Variants in EFR3A observed in about 807,000 individuals in gnomAD.
EFR3A encodes the protein EFR3 homolog A, also known as protein EFR3 homolog A.
Under a neutral mutation model 104.4 loss-of-function variants are expected in EFR3A, and 76 were observed. The observed-to-expected ratio is 0.73, with a 90% CI of 0.60 to 0.88. EFR3A has a LOEUF of 0.88. Among genes scored for constraint, EFR3A ranks in the 40% least tolerant of loss-of-function variants. The pLI is 0.00. For synonymous variants in EFR3A, 330 were observed against 330.0 expected (o/e 1.00, Z 0.00); for missense variants, 985 against 1,012.5 (o/e 0.97, Z 0.37).
intron 18 of EFR3A, among the ~76,000 whole-genome samples, chr8:131,992,258 A>T (rs1399461827): frequency 6.6e-6 from 1 of 152,202 alleles, no homozygotes; most frequent in Non-Finnish European, 1.5e-5. Flanking sequence ...ATTTGTATCA[A>T]AGCATATGAT....
chr8:131,986,358 G>A, intron 17 of EFR3A, 97 bp downstream of exon 17: 1 of 576,502 alleles, frequency 1.7e-6, no homozygotes, highest in Non-Finnish European at 3.0e-6. Flanking sequence ...ATAATTCCTG[G>A]TGCTTTATAC....
intron 1 of EFR3A, among the ~76,000 whole-genome samples, chr8:131,936,002 A>G (rs1817860638): frequency 6.6e-6 from 1 of 151,946 alleles, no homozygotes; most frequent in African/African-American, 2.4e-5. Context: ...TTCTCCTAGT[A>G]CCTTTGAGTG....
chr8:131,971,415 G>A (rs188070674), intron 10 of EFR3A, among the ~76,000 whole-genome samples: 30 of 152,218 alleles, frequency 2.0e-4, no homozygotes, highest in African/African-American at 6.7e-4. Flanking sequence ...TAGGCCGTGC[G>A]CGGTGGCTCA....
At chr8:131,911,809 T>C (rs538542452) in intron 1 of EFR3A, among the ~76,000 whole-genome samples, 1 of 152,314 alleles carries the variant, frequency 6.6e-6, no homozygotes, top group East Asian at 1.9e-4. Context: ...CATCTAGATT[T>C]TTCTTGGATT....
chr8:131,929,492 G>A lies in EFR3A; in HGVS notation c.11-11007G>A, dbSNP rs960807172. Among the ~76,000 whole-genome samples the A allele has an allele frequency of 1.8e-4, 27 of 152,140 alleles. No homozygotes were observed. In the East Asian group the frequency reaches 4.1e-3, roughly 23 times the overall value. On this transcript the variant is annotated intron_variant, in intron 1 of 22. Transcript: ENST00000254624. ...AGACTTAATTTAGTCATTACTTCTTGCAGAAAGGTTTGTTATCCCATTAGC... is the reference window on the plus strand; with the variant it reads ...AGACTTAATTTAGTCATTACTTCTTACAGAAAGGTTTGTTATCCCATTAGC...
chr8:131,979,431 C>A lies in EFR3A; in HGVS notation c.1575+10C>A, dbSNP rs1343936016. ...AAGTTTCATGAAAAAGGTAAGACAT[C>A]TTCTAAAAAAATAAATGTGTAGTGT... On this transcript the variant is annotated intron_variant, in intron 14 of 22. Transcript: ENST00000254624. The A allele has an allele frequency of 3.3e-6, 5 of 1,523,948 alleles. No homozygotes were observed. Among genetic ancestry groups the A allele is most frequent in the Non-Finnish European group, 4.5e-6 (5 of 1,121,062 alleles). 94.4% of individuals were successfully genotyped at this position (1,523,948 alleles called of 1,614,324 possible).
intron 8 of EFR3A, among the ~76,000 whole-genome samples, chr8:131,966,057 G>T (rs1168819800): frequency 6.6e-6 from 1 of 152,076 alleles, no homozygotes; most frequent in African/African-American, 2.4e-5. Flanking sequence ...ACTGGGGCCT[G>T]TTGTGGGGTG....
chr8:131,938,547 T>C (rs1420332944), intron 1 of EFR3A, among the ~76,000 whole-genome samples: 1 of 152,128 alleles, frequency 6.6e-6, no homozygotes, highest in Non-Finnish European at 1.5e-5. Context: ...GTCAAAAAGG[T>C]ATTTTTGTTT....
At chr8:131,907,283 A>G (rs1816301937) in intron 1 of EFR3A, among the ~76,000 whole-genome samples, 1 of 152,246 alleles carries the variant, frequency 6.6e-6, no homozygotes, top group Non-Finnish European at 1.5e-5. Flanking sequence ...ATTCTTGTTT[A>G]TATAGACACA....
chr8:131,906,076 C>A (rs1233979995), intron 1 of EFR3A, among the ~76,000 whole-genome samples: 3 of 152,162 alleles, frequency 2.0e-5, no homozygotes, highest in African/African-American at 7.2e-5. Context: ...TGTCATGGTA[C>A]ATTTTTTATG....
intron 16 of EFR3A, among the ~76,000 whole-genome samples, chr8:131,985,546 C>T (rs1820829737): frequency 6.6e-6 from 1 of 152,124 alleles, no homozygotes; most frequent in African/African-American, 2.4e-5. Context: ...CATTTCAATG[C>T]CCCCAAGTTA....
intron 1 of EFR3A, among the ~76,000 whole-genome samples, chr8:131,933,393 T>C (rs4281097): frequency 0.87 from 132,309 of 152,088 alleles, 57,725 homozygotes; most frequent in East Asian, 0.93. Context: ...GGTTGCAGCT[T>C]TGGTTTCTCT....
At chr8:131,943,098 A>G (rs10092149) in intron 2 of EFR3A, among the ~76,000 whole-genome samples, 40,599 of 151,916 alleles carry the variant, frequency 0.27, 6,238 homozygotes, top group East Asian at 0.49. Flanking sequence ...CACTGACATG[A>G]TACTCAAAGG....
chr8:132,013,545 A>G lies in EFR3A; in HGVS notation c.*2650A>G, dbSNP rs1822455094. The G allele has an allele frequency of 6.6e-6, 1 of 152,636 alleles. No individual in the cohort carries two copies. The highest frequency in any genetic ancestry group is 6.5e-5 in the Admixed American group (1 of 15,278). 9.5% of individuals were successfully genotyped at this position (152,636 alleles called of 1,614,324 possible). On this transcript the variant is annotated 3_prime_UTR_variant, in exon 23 of 23. Coordinates refer to ENST00000254624, the MANE Select transcript of EFR3A (RefSeq NM_015137.6). ...TGTAAAAATTCACTGTGCAATTCAT[A>G]TGTCAGCAATAAAACATAGATTATT...
intron 1 of EFR3A, among the ~76,000 whole-genome samples, chr8:131,919,526 G>T (rs1816897527): frequency 6.6e-6 from 1 of 151,024 alleles, no homozygotes. Flanking sequence ...AGCTCAGGAG[G>T]CGGAGCTTGC....
At chr8:131,991,640 CAGGGAGGATG>C (rs1311106934) in intron 18 of EFR3A, among the ~76,000 whole-genome samples, 1 of 151,974 alleles carries the variant, frequency 6.6e-6, no homozygotes, top group Non-Finnish European at 1.5e-5. Flanking sequence ...CTAAAGCCTT[CAGGGAGGATG>C]ACTTCTCACA....
chr8:132,008,846 CAAAAAAAAAAAAAAAAAAA>C (rs55964352), intron 22 of EFR3A, among the ~76,000 whole-genome samples: 3 of 32,166 alleles, frequency 9.3e-5, no homozygotes, highest in Admixed American at 4.6e-4. Flanking sequence ...AACTCCATCT[CAAAAAAAAAAAAAAAAAAA>C]AAAAAAAAAG....
chr8:131,923,899 A>G (rs1356927703), intron 1 of EFR3A, among the ~76,000 whole-genome samples: 1 of 152,068 alleles, frequency 6.6e-6, no homozygotes, highest in African/African-American at 2.4e-5. Context: ...AACAGTTTGA[A>G]ATTGGCATTG....
intron 1 of EFR3A, among the ~76,000 whole-genome samples, chr8:131,906,785 A>G (rs1258796976): frequency 6.6e-6 from 1 of 152,238 alleles, no homozygotes; most frequent in East Asian, 1.9e-4. Context: ...AACAATCCTT[A>G]GGCACAGATT....
Sources: allele counts gnomAD v4.1 joint callset (sites outside exome capture counted in the v4.1 genomes callset), GRCh38; gene constraint gnomAD v4.1.1; transcripts MANE v1.5; gene names NCBI Gene and HGNC (gene_info 2026-07-23, HGNC 2026-07-21).